SI: variants seen among roughly 807,000 people sequenced by gnomAD.
The protein encoded by SI is sucrase-isomaltase, intestinal.
SI carries 235 observed loss-of-function variants against 253.3 expected under a neutral mutation model. The ratio of observed to expected loss-of-function variants is 0.93; its 90% CI spans 0.83 to 1.03. The LOEUF is 1.03. Among genes scored for constraint, SI ranks in the 50% least tolerant of loss-of-function variants. The probability of loss-of-function intolerance (pLI) is 0.00; values close to 1 mark genes in which losing one functional copy is unlikely to be tolerated. For missense variants in SI, 2,442 were observed against 2,211.1 expected (o/e 1.10, Z -2.09); for synonymous variants, 819 against 712.0 (o/e 1.15, Z -2.39).
chr3:165,049,325 C>A, intron 14 of SI, 81 bp from the exon 15 acceptor site: 1 of 823,406 alleles, frequency 1.2e-6, no homozygotes, highest in Non-Finnish European at 2.0e-6. Flanking sequence ...ATGTCATATT[C>A]CTTTTCATTT....
rs201845753 is a variant in SI at position 165,060,869 on chromosome 3, AT to A, written c.1021-843del. On this transcript the variant is annotated intron_variant, in intron 9 of 47. Transcript: ENST00000264382. ...TATCTGGTATATATATTAAAAAAAA[AT>A]ATATATATATATAGGATCCATGATT... Among the ~76,000 whole-genome samples the A allele has an allele frequency of 3.2e-3, 470 of 145,632 alleles. 2 individuals are homozygous for A. Among genetic ancestry groups the A allele is most frequent in the African/African-American group, 7.2e-3 (288 of 40,144 alleles).
chr3:165,022,191 G>C (rs537679387), intron 26 of SI, among the ~76,000 whole-genome samples: 24 of 151,532 alleles, frequency 1.6e-4, no homozygotes, highest in African/African-American at 4.6e-4. Flanking sequence ...ATCTTTATCA[G>C]ATGTTTACCC....
chr3:165,054,430 G>A (rs1713584105), intron 13 of SI, among the ~76,000 whole-genome samples: 1 of 151,928 alleles, frequency 6.6e-6, no homozygotes, highest in African/African-American at 2.4e-5. Flanking sequence ...AGAATGCAGT[G>A]GCACCATCTT....
chr3:165,059,814 T>G, intron 10 of SI, 88 bp downstream of exon 10: 6 of 1,318,516 alleles, frequency 4.6e-6, no homozygotes, highest in Non-Finnish European at 5.5e-6. Context: ...ATGTATATAG[T>G]AGATACTCCT....
chr3:165,008,764 G>A (rs960434994), intron 35 of SI, among the ~76,000 whole-genome samples: 8 of 151,448 alleles, frequency 5.3e-5, no homozygotes, highest in East Asian at 1.9e-4. Context: ...TTTTTCCTCC[G>A]GAAATTGAAA....
rs1246276285 is a variant in SI at position 165,067,534 on chromosome 3, ATTAT to A, written c.484-47_484-44del. Reference sequence around the variant, plus strand: ...AGGTAGCATTACTGGATTCTAAACTATTATTTAATATTCCAGTTCTGAATTATTA... The same window carrying A: ...AGGTAGCATTACTGGATTCTAAACTATTAATATTCCAGTTCTGAATTATTA... On this transcript the variant is annotated intron_variant, in intron 5 of 47. Coordinates refer to ENST00000264382, the MANE Select transcript of SI (RefSeq NM_001041.4). The A allele has an allele frequency of 2.0e-6, 3 of 1,484,588 alleles. No individual in the cohort carries two copies. The African/African-American group carries it at 4.2e-5, about 21-fold the overall frequency. 92.0% of individuals were successfully genotyped at this position (1,484,588 alleles called of 1,614,324 possible). A position where few individuals can be genotyped will look rare whatever the true frequency, so the allele number is the denominator to read the frequency against.
chr3:164,979,386 T>C lies in SI; in HGVS notation c.5460A>G (p.Glu1820=), dbSNP rs771869463. The C allele has an allele frequency of 1.3e-5, 20 of 1,589,892 alleles. No homozygotes were observed. The East Asian group carries it at 4.5e-4, about 36-fold the overall frequency. The part of the protein sequence containing the change: ...DLTTHNVTLE[E]PIEINWS The stretch of plus-strand genomic sequence containing the variant: ...TTCATGACCAGTTGATTTCTATTGG[T>C]TCTTCTAGAGTAACATTGTGTGTGG... The change falls in exon 48 of 48, where the codon GAA becomes GAG. Residue 1820 remains glutamate, a synonymous_variant. Coordinates refer to ENST00000264382, the MANE Select transcript of SI (RefSeq NM_001041.4).
intron 41 of SI, among the ~76,000 whole-genome samples, chr3:164,993,319 G>A (rs1395066359): frequency 6.6e-6 from 1 of 151,614 alleles, no homozygotes; most frequent in Non-Finnish European, 1.5e-5. Flanking sequence ...AGGGATTATG[G>A]TAGATGATAA....
chr3:165,089,799 T>C, the SI span, among the ~76,000 whole-genome samples: 2 of 151,894 alleles, frequency 1.3e-5, no homozygotes, highest in African/African-American at 4.8e-5. Flanking sequence ...CCCTGTCTGT[T>C]GGCCTAGGCA....
chr3:165,071,839 A>C (rs1013003424), intron 3 of SI, among the ~76,000 whole-genome samples: 7 of 152,100 alleles, frequency 4.6e-5, no homozygotes, highest in Non-Finnish European at 1.0e-4. Flanking sequence ...CCTTGATGAC[A>C]CCTTGATCTT....
upstream of SI, among the ~76,000 whole-genome samples, chr3:165,081,423 T>C (rs1715319327): frequency 1.3e-5 from 2 of 151,964 alleles, no homozygotes; most frequent in African/African-American, 2.4e-5. Context: ...GGGAGTATTA[T>C]GTACTTTGTC....
At chr3:165,074,761 G>A in intron 2 of SI, 94 bp from the exon 3 acceptor site, 4 of 1,026,532 alleles carry the variant, frequency 3.9e-6, no homozygotes, top group Non-Finnish European at 5.9e-6. Flanking sequence ...AAGAATACAT[G>A]AATTCATATA....
At chr3:165,044,292 A>G (rs1713003690) in intron 16 of SI, among the ~76,000 whole-genome samples, 1 of 151,964 alleles carries the variant, frequency 6.6e-6, no homozygotes, top group Non-Finnish European at 1.5e-5. Context: ...ACATATTCTT[A>G]TTCTATGGTG....
intron 16 of SI, among the ~76,000 whole-genome samples, chr3:165,045,106 T>C (rs970701407): frequency 5.9e-5 from 9 of 152,108 alleles, no homozygotes; most frequent in African/African-American, 2.2e-4. Flanking sequence ...ATTGTGTTAA[T>C]AACTACAGCT....
intron 13 of SI, among the ~76,000 whole-genome samples, chr3:165,051,787 T>G (rs1713444638): frequency 6.6e-6 from 1 of 151,966 alleles, no homozygotes; most frequent in Non-Finnish European, 1.5e-5. Flanking sequence ...CACAAAATCT[T>G]TCATCAATGA....
intron 28 of SI, among the ~76,000 whole-genome samples, chr3:165,018,556 A>T (rs1719153491): frequency 6.6e-6 from 1 of 150,646 alleles, no homozygotes; most frequent in African/African-American, 2.4e-5. Context: ...TAGAACATTT[A>T]AAGTTTTATA....
intron 47 of SI, among the ~76,000 whole-genome samples, chr3:164,979,803 G>A (rs922981070): frequency 6.6e-6 from 1 of 151,758 alleles, no homozygotes. Flanking sequence ...GTATTATCCA[G>A]TCATTTTCAG....
chr3:165,030,943 G>C, intron 24 of SI, 76 bp from the exon 25 acceptor site: 1 of 1,462,558 alleles, frequency 6.8e-7, no homozygotes, highest in Non-Finnish European at 9.0e-7. Flanking sequence ...CACTGTATCT[G>C]ATCATTGGAT....
At chr3:164,996,067 C>T (rs1443443382) in intron 40 of SI, among the ~76,000 whole-genome samples, 2 of 151,676 alleles carry the variant, frequency 1.3e-5, no homozygotes, top group African/African-American at 2.4e-5. Flanking sequence ...AACGTGGTTC[C>T]GTTCTGCCTA....
Sources: gnomAD v4.1 joint callset for allele counts (sites outside exome capture counted in the v4.1 genomes callset) on GRCh38, gnomAD v4.1.1 for gene constraint, MANE v1.5 for transcripts, NCBI Gene and HGNC (gene_info 2026-07-23, HGNC 2026-07-21) for gene names.